The following SEMA3A variants were observed in gnomAD, a reference collection of about 807,000 sequenced individuals.
SEMA3A encodes the protein semaphorin-3A.
SEMA3A carries 29 observed loss-of-function variants against 97.9 expected under a neutral mutation model. That is an observed-to-expected ratio of 0.30 (90% CI 0.22 to 0.40). The LOEUF (loss-of-function observed/expected upper bound fraction) is 0.40. Among genes scored for constraint, SEMA3A ranks in the 10% least tolerant of loss-of-function variants. The pLI is 1.00. For missense variants in SEMA3A, 763 were observed against 951.3 expected (o/e 0.80, Z 2.60); for synonymous variants, 321 against 323.7 (o/e 0.99, Z 0.09).
At chr7:84,318,261 T>A (rs1193520896) in intron 2 of SEMA3A, among the ~76,000 whole-genome samples, 1 of 150,640 alleles carries the variant, frequency 6.6e-6, no homozygotes, top group Non-Finnish European at 1.5e-5. Context: ...ACAGTTTAAA[T>A]AAGGAAACCA....
At chr7:84,143,531 A>T (rs1359959851) in intron 1 of SEMA3A, among the ~76,000 whole-genome samples, 2 of 93,358 alleles carry the variant, frequency 2.1e-5, no homozygotes, top group African/African-American at 8.8e-5. Flanking sequence ...AGTCTACACG[A>T]CTGTAAGATT....
intron 1 of SEMA3A, among the ~76,000 whole-genome samples, chr7:84,424,710 A>T (rs1442751951): frequency 7.6e-5 from 7 of 92,494 alleles, no homozygotes; most frequent in Non-Finnish European, 1.1e-4. Flanking sequence ...ATCAATATAT[A>T]ATATATAAAT....
At chr7:84,024,457 A>T (rs528356423) in intron 6 of SEMA3A, among the ~76,000 whole-genome samples, 8 of 152,136 alleles carry the variant, frequency 5.3e-5, no homozygotes, top group African/African-American at 1.9e-4. Flanking sequence ...GAGGCACGAG[A>T]ATTGCTTGAA....
chr7:84,487,741 C>T (rs951674557), intron 1 of SEMA3A, among the ~76,000 whole-genome samples: 1 of 152,034 alleles, frequency 6.6e-6, no homozygotes, highest in Non-Finnish European at 1.5e-5. Context: ...CAGATCCTGT[C>T]ACCACAGATT....
chr7:84,171,861 T>C (rs932006290), intron 1 of SEMA3A, among the ~76,000 whole-genome samples: 9 of 152,204 alleles, frequency 5.9e-5, no homozygotes, highest in Non-Finnish European at 1.0e-4. Context: ...AATTATTTTA[T>C]GTCTTTTGCA....
At chr7:84,325,716 A>G (rs1177281229) in intron 2 of SEMA3A, among the ~76,000 whole-genome samples, 2 of 152,068 alleles carry the variant, frequency 1.3e-5, no homozygotes, top group African/African-American at 4.8e-5. Context: ...TATTTTAGAT[A>G]ATAAAATATT....
At chr7:84,288,777 G>A (rs1482869561) in intron 3 of SEMA3A, among the ~76,000 whole-genome samples, 1 of 152,032 alleles carries the variant, frequency 6.6e-6, no homozygotes, top group Non-Finnish European at 1.5e-5. Context: ...ATTGTTTGGT[G>A]GGCATGTGAA....
chr7:84,056,487 A>C (rs1230261687), intron 5 of SEMA3A, among the ~76,000 whole-genome samples: 2 of 152,158 alleles, frequency 1.3e-5, no homozygotes, highest in African/African-American at 4.8e-5. Context: ...ATGTGAGCAA[A>C]ATATCAAACA....
chr7:84,015,475 T>C (rs934077467), intron 6 of SEMA3A, among the ~76,000 whole-genome samples: 6 of 152,198 alleles, frequency 3.9e-5, no homozygotes, highest in Admixed American at 3.9e-4. Context: ...ATATAAAATA[T>C]GTAATAGCTT....
At chr7:84,348,752 A>C (rs1470263605) in intron 2 of SEMA3A, among the ~76,000 whole-genome samples, 2 of 152,156 alleles carry the variant, frequency 1.3e-5, no homozygotes, top group Non-Finnish European at 2.9e-5. Context: ...TGGGAGGCCA[A>C]GGCAGGCTGA....
At chr7:84,074,002 G>A (rs997954383) in intron 4 of SEMA3A, among the ~76,000 whole-genome samples, 1 of 151,916 alleles carries the variant, frequency 6.6e-6, no homozygotes, top group East Asian at 1.9e-4. Flanking sequence ...TTTTAAGGTC[G>A]TATCACTCTG....
chr7:84,025,304 A>T (rs1791507784), intron 6 of SEMA3A, among the ~76,000 whole-genome samples: 1 of 152,214 alleles, frequency 6.6e-6, no homozygotes, highest in Non-Finnish European at 1.5e-5. Flanking sequence ...CTAGCTGGGA[A>T]ATTGGTAATG....
chr7:84,439,574 T>C (rs976196559), intron 1 of SEMA3A, among the ~76,000 whole-genome samples: 13 of 152,176 alleles, frequency 8.5e-5, no homozygotes, highest in Non-Finnish European at 1.6e-4. Context: ...CAAATCCATA[T>C]AAATAGATGT....
intron 15 of SEMA3A, among the ~76,000 whole-genome samples, chr7:83,973,294 A>C (rs190056827): frequency 6.6e-6 from 1 of 152,236 alleles, no homozygotes; most frequent in African/African-American, 2.4e-5. Flanking sequence ...TCATCTGAAT[A>C]AGAGTTTATT....
chr7:83,983,306 G>T (rs1789502024), intron 13 of SEMA3A, among the ~76,000 whole-genome samples: 1 of 148,574 alleles, frequency 6.7e-6, no homozygotes, highest in South Asian at 2.1e-4. Context: ...AGACACTATT[G>T]AATGTAAGCA....
At chr7:84,002,554 T>TAGTC (rs1790503558) in intron 11 of SEMA3A, among the ~76,000 whole-genome samples, 1 of 152,158 alleles carries the variant, frequency 6.6e-6, no homozygotes. Context: ...GCAAGGGAAG[T>TAGTC]AGTCAGAGCT....
At chr7:84,449,688 A>G (rs1327177928) in intron 1 of SEMA3A, among the ~76,000 whole-genome samples, 1 of 151,924 alleles carries the variant, frequency 6.6e-6, no homozygotes, top group Non-Finnish European at 1.5e-5. Flanking sequence ...TAATAAATAT[A>G]CTCAAATATA....
intron 1 of SEMA3A, among the ~76,000 whole-genome samples, chr7:84,440,488 G>C (rs1248689135): frequency 6.6e-6 from 1 of 152,150 alleles, no homozygotes; most frequent in African/African-American, 2.4e-5. Flanking sequence ...AGCTCTGGCT[G>C]AAGTGACTTT....
At chr7:84,349,244 T>C (rs928082425) in intron 2 of SEMA3A, among the ~76,000 whole-genome samples, 1 of 152,106 alleles carries the variant, frequency 6.6e-6, no homozygotes, top group Admixed American at 6.6e-5. Context: ...CCATGTACGT[T>C]ATGGGTTCAA....
Sources: gnomAD v4.1 joint callset for allele counts (sites outside exome capture counted in the v4.1 genomes callset) on GRCh38, gnomAD v4.1.1 for gene constraint, MANE v1.5 for transcripts, NCBI Gene and HGNC (gene_info 2026-07-23, HGNC 2026-07-21) for gene names.